Variants in KIAA1755 observed in about 807,000 individuals in gnomAD.
KIAA1755 encodes the protein KIAA1755, also known as uncharacterized protein KIAA1755.
Under a neutral mutation model 91.7 loss-of-function variants are expected in KIAA1755, and 68 were observed. The ratio of observed to expected loss-of-function variants is 0.74; its 90% CI spans 0.61 to 0.91. The LOEUF (loss-of-function observed/expected upper bound fraction) is 0.91, where lower values mean the gene tolerates loss of function less well. Among genes scored for constraint, KIAA1755 ranks in the 40% least tolerant of loss-of-function variants. KIAA1755 has a pLI of 0.00. For synonymous variants in KIAA1755, 610 were observed against 604.6 expected (o/e 1.01, Z -0.13); for missense variants, 1,535 against 1,494.4 (o/e 1.03, Z -0.45).
intron 4 of KIAA1755, among the ~76,000 whole-genome samples, chr20:38,232,496 C>T (rs545987723): frequency 3.3e-5 from 5 of 151,782 alleles, no homozygotes; most frequent in Admixed American, 2.0e-4. Context: ...GGCATGGTGG[C>T]GGGCGCCTGT....
intron 1 of KIAA1755, among the ~76,000 whole-genome samples, chr20:38,257,312 G>A (rs906965545): frequency 6.6e-6 from 1 of 152,134 alleles, no homozygotes; most frequent in African/African-American, 2.4e-5. Context: ...CTAGGGTGGT[G>A]GCTCATGCCT....
At chr20:38,222,721 G>A (rs746879515) in intron 9 of KIAA1755, 124 bp from the exon 10 acceptor site, 1 of 1,017,516 alleles carries the variant, frequency 9.8e-7, no homozygotes, top group South Asian at 1.4e-5. Flanking sequence ...CAGAAAGTCT[G>A]TCATTTCTGT....
At chr20:38,237,835 G>T (rs2075986466) in intron 4 of KIAA1755, among the ~76,000 whole-genome samples, 2 of 151,654 alleles carry the variant, frequency 1.3e-5, no homozygotes, top group African/African-American at 2.4e-5. Context: ...TGCGATGGGG[G>T]GAGTCATGTG....
chr20:38,234,110 C>T (rs1479003028), intron 4 of KIAA1755, among the ~76,000 whole-genome samples: 2 of 152,156 alleles, frequency 1.3e-5, no homozygotes, highest in Admixed American at 6.5e-5. Flanking sequence ...AGCCTCCAGA[C>T]CTATGAGAAA....
chr20:38,213,810 A>T (rs1326010374), intron 13 of KIAA1755, 67 bp from the exon 14 acceptor site: 2 of 1,151,984 alleles, frequency 1.7e-6, no homozygotes, highest in Non-Finnish European at 2.4e-6. Context: ...GACTGAATTA[A>T]TAAGTGCCCA....
Position 38,246,074 on chromosome 20 carries a change from G to C in KIAA1755, c.56C>G (p.Pro19Arg). Residue 19 changes from proline (P) to arginine (R), a missense_variant, in exon 2 of 14, where the codon CCT becomes CGT. Coordinates refer to ENST00000279024, the MANE Select transcript of KIAA1755 (RefSeq NM_001029864.2). The part of the protein sequence containing the change: ...AIQHALAGLY[P>R]PFEATAPTVL... ...GGTGGGTGCTGTGGCCTCGAAAGGA[G>C]GATAGAGGCCCGCCAGGGCATGCTG... 1 of 1,614,110 alleles carries C rather than the reference G, an allele frequency of 6.2e-7. No homozygotes were observed. Among genetic ancestry groups the C allele is most frequent in the Non-Finnish European group, 8.5e-7 (1 of 1,180,030 alleles).
In KIAA1755 at chr20:38,215,125, C is replaced by G. The variant is rs139081389; in HGVS notation, c.2902-1382G>C. On this transcript the variant is annotated intron_variant, in intron 13 of 13. Transcript: ENST00000279024. Reference sequence around the variant, plus strand: ...ATCTGTCTGTGTGTCCAGGACTTGACCTTCCAGGCTAAGCTGGACAGAGAT... The same window carrying G: ...ATCTGTCTGTGTGTCCAGGACTTGAGCTTCCAGGCTAAGCTGGACAGAGAT... Among the ~76,000 whole-genome samples, 187 of 152,298 alleles carry G rather than the reference C, an allele frequency of 1.2e-3. 1 individual carries two copies. The highest frequency in any genetic ancestry group is 4.4e-3 in the African/African-American group (182 of 41,588).
intron 1 of KIAA1755, among the ~76,000 whole-genome samples, chr20:38,256,793 C>T (rs986787866): frequency 1.2e-4 from 19 of 152,024 alleles, no homozygotes; most frequent in Admixed American, 3.9e-4. Flanking sequence ...GGTGATGGAG[C>T]GAGACCCTGT....
At chr20:38,227,755 T>C (rs1272309079) in intron 6 of KIAA1755, among the ~76,000 whole-genome samples, 1 of 152,238 alleles carries the variant, frequency 6.6e-6, no homozygotes, top group Non-Finnish European at 1.5e-5. Context: ...TCTCTTACTC[T>C]TTCCTAATGG....
rs200118775 is a variant in KIAA1755 at position 38,246,144 on chromosome 20, A to C, written c.4-18T>G. On this transcript the variant is annotated intron_variant, in intron 1 of 13. Coordinates refer to ENST00000279024, the MANE Select transcript of KIAA1755 (RefSeq NM_001029864.2). ...GGAGGGTCCTGTGGGGGACAGGAGG[A>C]GGGGGTGATAATAGCAATGATAATA... is the stretch of plus-strand genomic sequence containing the variant. 4.2e-5 allele frequency: 68 copies of C among 1,602,674 alleles called. No homozygotes were observed. The highest frequency in any genetic ancestry group is 5.5e-5 in the Non-Finnish European group (65 of 1,173,404).
chr20:38,258,832 T>TCCCGG (rs2076385274), intron 1 of KIAA1755, among the ~76,000 whole-genome samples: 2 of 152,176 alleles, frequency 1.3e-5, no homozygotes, highest in Admixed American at 1.3e-4. Flanking sequence ...TGCACATTGT[T>TCCCGG]CCCAATCTGG....
intron 4 of KIAA1755, among the ~76,000 whole-genome samples, chr20:38,232,260 C>G (rs967175966): frequency 6.6e-6 from 1 of 152,280 alleles, no homozygotes; most frequent in East Asian, 1.9e-4. Context: ...ACAAGTGCCG[C>G]CTCACAGGGG....
At chr20:38,217,109 G>T (rs867920653) in intron 13 of KIAA1755, 144 bp downstream of exon 13, 169 of 692,822 alleles carry the variant, frequency 2.4e-4, no homozygotes, top group Admixed American at 4.3e-4. Context: ...AAGTGGGTGG[G>T]GGGGGGCTGT....
chr20:38,231,072 G>A, intron 5 of KIAA1755, 130 bp downstream of exon 5: 1 of 1,015,024 alleles, frequency 9.9e-7, no homozygotes, highest in African/African-American at 1.6e-5. Context: ...GCATCTGTCT[G>A]GGGACTGGCT....
intron 1 of KIAA1755, among the ~76,000 whole-genome samples, chr20:38,253,069 C>CTG (rs1365279151): frequency 1.5e-5 from 2 of 137,744 alleles, no homozygotes; most frequent in Non-Finnish European, 3.1e-5. Flanking sequence ...AGCCCGCAGC[C>CTG]CGGCAGGAGC....
rs762784986 is a variant in KIAA1755 at position 38,222,477 on chromosome 20, T to G, written c.2389A>C (p.Ser797Arg). 8 of 1,613,584 alleles carry G rather than the reference T, an allele frequency of 5.0e-6. No individual in the cohort carries two copies. In the East Asian group the frequency reaches 1.8e-4, roughly 36 times the overall value. The change falls in exon 10 of 14, where the codon AGC becomes CGC. Residue 797 changes from serine (S) to arginine (R), a missense_variant. Transcript: ENST00000279024. ...ACATCAGGGCTGAAGTCCAGCCTGC[T>G]GGCATCATGCTGCAGCCTGGCCAGG... ...ATLARLQHDA[S>R]RLDFSPDVRS...
chr20:38,240,536 A>G (rs746274090), intron 3 of KIAA1755, 46 bp downstream of exon 3: 1 of 1,440,528 alleles, frequency 6.9e-7, no homozygotes, highest in African/African-American at 1.4e-5. Context: ...TGTGATCTCA[A>G]CCAGACAATA....
Position 38,241,622 on chromosome 20 carries a change from T to C in KIAA1755, c.509A>G (p.Glu170Gly), listed in dbSNP as rs778976342. ...CCAAGGCACAGGGGCAATCCCATTT[T>C]CTGATGCTACCAAGCAGTTGTGTAG... is the stretch of plus-strand genomic sequence containing the variant. ...NPLHNCLVAS[E>G]NGIAPVPWTK... The change falls in exon 3 of 14, where the codon GAA becomes GGA. Residue 170 changes from glutamate to glycine, a missense_variant. Coordinates refer to ENST00000279024, the MANE Select transcript of KIAA1755 (RefSeq NM_001029864.2). 33 of 1,614,150 alleles carry C rather than the reference T, an allele frequency of 2.0e-5. No homozygotes were observed.
chr20:38,223,482 G>T (rs945128932), intron 9 of KIAA1755, 56 bp downstream of exon 9: 2 of 1,261,678 alleles, frequency 1.6e-6, no homozygotes, highest in Admixed American at 2.8e-5. Context: ...GAAGCCCTTG[G>T]TCCATGGGGT....
Sources: allele counts gnomAD v4.1 joint callset (sites outside exome capture counted in the v4.1 genomes callset), GRCh38; gene constraint gnomAD v4.1.1; transcripts MANE v1.5; gene names NCBI Gene and HGNC (gene_info 2026-07-23, HGNC 2026-07-21).